The following IMMP2L variants were observed in gnomAD, a reference collection of about 807,000 sequenced individuals.
The protein encoded by IMMP2L is mitochondrial inner membrane protease subunit 2.
Under a neutral mutation model 19.3 loss-of-function variants are expected in IMMP2L, and 18 were observed. The observed-to-expected ratio is 0.93, with a 90% CI of 0.64 to 1.38. IMMP2L has a LOEUF of 1.38. Among genes scored for constraint, IMMP2L ranks in the 40% most tolerant of loss-of-function variants. IMMP2L has a pLI of 0.00. For synonymous variants in IMMP2L, 76 were observed against 73.0 expected, an observed-to-expected ratio of 1.04 and a Z score of -0.21; for missense variants, 233 against 218.2, an observed-to-expected ratio of 1.07 and a Z score of -0.43.
intron 5 of IMMP2L, among the ~76,000 whole-genome samples, chr7:110,850,365 C>A (rs1049934059): frequency 3.9e-5 from 6 of 152,108 alleles, no homozygotes; most frequent in African/African-American, 1.4e-4. Context: ...TTCTCCATGA[C>A]AATGACCTGG....
intron 3 of IMMP2L, among the ~76,000 whole-genome samples, chr7:111,428,667 T>C (rs535479806): frequency 1.3e-5 from 2 of 151,892 alleles, no homozygotes; most frequent in South Asian, 4.1e-4. Flanking sequence ...ACTAGAGCAG[T>C]ACAAAAAGGT....
chr7:111,481,594 T>C (rs1251465151), intron 3 of IMMP2L, among the ~76,000 whole-genome samples: 1 of 150,640 alleles, frequency 6.6e-6, no homozygotes, highest in Non-Finnish European at 1.5e-5. Flanking sequence ...TTTAAAAATA[T>C]TATGTTTTTT....
intron 3 of IMMP2L, among the ~76,000 whole-genome samples, chr7:111,152,115 G>T (rs1804142911): frequency 6.6e-6 from 1 of 152,146 alleles, no homozygotes; most frequent in South Asian, 2.1e-4. Flanking sequence ...TCGTGGAAGG[G>T]AGAAAATCGG....
chr7:111,172,239 T>C (rs140453339), intron 3 of IMMP2L, among the ~76,000 whole-genome samples: 19 of 151,612 alleles, frequency 1.3e-4, no homozygotes, highest in Non-Finnish European at 2.1e-4. Context: ...GCACTCAACA[T>C]TGAGTGCTTT....
chr7:110,931,554 T>C (rs1815488244), intron 4 of IMMP2L, among the ~76,000 whole-genome samples: 1 of 152,170 alleles, frequency 6.6e-6, no homozygotes, highest in Non-Finnish European at 1.5e-5. Flanking sequence ...TGACGTGTTC[T>C]TCAGAGCATA....
At chr7:111,136,973 GT>G (rs1802408550) in intron 3 of IMMP2L, among the ~76,000 whole-genome samples, 1 of 152,100 alleles carries the variant, frequency 6.6e-6, no homozygotes, top group African/African-American at 2.4e-5. Flanking sequence ...AAATTGAAAG[GT>G]TGAAAGGTGG....
chr7:111,158,070 T>C (rs1269562627), intron 3 of IMMP2L, among the ~76,000 whole-genome samples: 1 of 151,952 alleles, frequency 6.6e-6, no homozygotes, highest in African/African-American at 2.4e-5. Flanking sequence ...TTTATTACAG[T>C]TTCCTAGCTT....
chr7:111,523,750 G>C (rs1042683876), intron 1 of IMMP2L, among the ~76,000 whole-genome samples: 1 of 151,930 alleles, frequency 6.6e-6, no homozygotes, highest in Non-Finnish European at 1.5e-5. Flanking sequence ...AAGTTAAATT[G>C]CTTATGAGTT....
chr7:111,237,738 A>G (rs1305614010), intron 3 of IMMP2L, among the ~76,000 whole-genome samples: 4 of 151,992 alleles, frequency 2.6e-5, no homozygotes, highest in African/African-American at 7.2e-5. Flanking sequence ...GGAGGGTTCA[A>G]TTAGTCCAAT....
chr7:110,746,113 C>G (rs1435261347), intron 5 of IMMP2L, among the ~76,000 whole-genome samples: 1 of 152,142 alleles, frequency 6.6e-6, no homozygotes, highest in Non-Finnish European at 1.5e-5. Context: ...ATCCTAGTCT[C>G]TGATAAAACA....
chr7:110,749,862 A>T lies in IMMP2L; in HGVS notation c.409-86141T>A, dbSNP rs187412454. ...GTATACCTATGTAACAAACCTGCAC[A>T]TTCTGCACATGTACTTCAGAACTTA... is the stretch of plus-strand genomic sequence containing the variant. On this transcript the variant is annotated intron_variant, in intron 5 of 5. Transcript: ENST00000405709. 1.8e-4 allele frequency among the ~76,000 whole-genome samples: 27 copies of T among 152,204 alleles called. No homozygotes were observed. The East Asian group carries it at 5.0e-3, about 28-fold the overall frequency.
intron 3 of IMMP2L, among the ~76,000 whole-genome samples, chr7:111,072,926 A>G (rs1031420933): frequency 5.9e-5 from 9 of 151,744 alleles, no homozygotes; most frequent in Non-Finnish European, 1.2e-4. Flanking sequence ...AAAGGAGTCT[A>G]AAGAGACATG....
At chr7:110,987,796 C>T (rs149796321) in intron 3 of IMMP2L, among the ~76,000 whole-genome samples, 1 of 152,072 alleles carries the variant, frequency 6.6e-6, no homozygotes, top group Non-Finnish European at 1.5e-5. Flanking sequence ...CAACATGGCT[C>T]TATGATTTAG....
intron 4 of IMMP2L, among the ~76,000 whole-genome samples, chr7:110,921,794 G>A (rs1814322582): frequency 6.6e-6 from 1 of 152,116 alleles, no homozygotes; most frequent in Admixed American, 6.5e-5. Flanking sequence ...TATGAAAACT[G>A]GAAATATAAA....
chr7:111,452,179 C>T (rs1205886302), intron 3 of IMMP2L, among the ~76,000 whole-genome samples: 1 of 152,126 alleles, frequency 6.6e-6, no homozygotes, highest in African/African-American at 2.4e-5. Context: ...TTATCAGCAA[C>T]AATCTTGTAT....
rs10266618 is a variant in IMMP2L, at chr7:111,050,587, T to C, written c.240-87022A>G. The stretch of plus-strand genomic sequence containing the variant: ...TGCTTTTTGCCTGGCAGATTGACAG[T>C]CTTTTTAAAGTGATCTTACAATATG... On this transcript the variant is annotated intron_variant, in intron 3 of 5. Transcript: ENST00000405709. Among the ~76,000 whole-genome samples the C allele has an allele frequency of 9.7e-3, 1,474 of 152,308 alleles. 24 individuals carry two copies. Among genetic ancestry groups the C allele is most frequent in the African/African-American group, 0.033 (1,368 of 41,558 alleles).
At chr7:111,446,177 T>G (rs1051850983) in intron 3 of IMMP2L, among the ~76,000 whole-genome samples, 32 of 152,232 alleles carry the variant, frequency 2.1e-4, no homozygotes, top group East Asian at 1.4e-3. Context: ...CAAAGCAGCC[T>G]GGAAGCTCAA....
At chr7:110,907,066 G>A (rs1032501936) in intron 4 of IMMP2L, among the ~76,000 whole-genome samples, 11 of 152,066 alleles carry the variant, frequency 7.2e-5, no homozygotes, top group Non-Finnish European at 1.6e-4. Context: ...GGGGGGATGG[G>A]GGTTGGGGGT....
intron 3 of IMMP2L, chr7:111,124,786 G>A (rs1269090601): frequency 6.2e-7 from 1 of 1,613,614 alleles, no homozygotes; most frequent in Admixed American, 1.7e-5. Flanking sequence ...ACCAACCTTT[G>A]CATTAGGTGA....
Sources: gnomAD v4.1 joint callset for allele counts (sites outside exome capture counted in the v4.1 genomes callset) on GRCh38, gnomAD v4.1.1 for gene constraint, MANE v1.5 for transcripts, NCBI Gene and HGNC (gene_info 2026-07-23, HGNC 2026-07-21) for gene names.